The following DYNC2I1 variants were observed in gnomAD, a reference collection of about 807,000 sequenced individuals.
The protein encoded by DYNC2I1 is dynein 2 intermediate chain 1.
Under a neutral mutation model 133.4 loss-of-function variants are expected in DYNC2I1, and 89 were observed. The observed-to-expected ratio is 0.67, with a 90% CI of 0.56 to 0.80. DYNC2I1 has a LOEUF of 0.80. Among genes scored for constraint, DYNC2I1 ranks in the 30% least tolerant of loss-of-function variants. DYNC2I1 has a pLI of 0.00. For synonymous variants in DYNC2I1, 504 were observed against 484.3 expected, an observed-to-expected ratio of 1.04 and a Z score of -0.54; for missense variants, 1,291 against 1,314.5, an observed-to-expected ratio of 0.98 and a Z score of 0.28.
intron 2 of DYNC2I1, among the ~76,000 whole-genome samples, chr7:158,870,376 C>T (rs900959021): frequency 6.6e-6 from 1 of 151,712 alleles, no homozygotes; most frequent in Non-Finnish European, 1.5e-5. Context: ...TTTTTAGAGA[C>T]AGGGTCTTAC....
chr7:158,901,658 CAT>C (rs1280232127), intron 8 of DYNC2I1, 79 bp from the exon 9 acceptor site: 11 of 881,020 alleles, frequency 1.2e-5, no homozygotes, highest in Non-Finnish European at 1.8e-5. Flanking sequence ...TGTCAGAAAA[CAT>C]ATATGTTTTC....
At chr7:158,869,508 G>A (rs1842695420) in intron 1 of DYNC2I1, 1 of 478,386 alleles carries the variant, frequency 2.1e-6, no homozygotes, top group Non-Finnish European at 4.3e-6. Flanking sequence ...TGTTGTGGCT[G>A]TTTTTGGAAA....
In DYNC2I1 at chr7:158,891,271, C is replaced by A. The variant is rs1845192052; in HGVS notation, c.997C>A (p.His333Asn). The A allele has an allele frequency of 1.2e-6, 2 of 1,613,918 alleles. No homozygotes were observed. Among genetic ancestry groups the A allele is most frequent in the Non-Finnish European group, 1.7e-6 (2 of 1,179,908 alleles). The change falls in exon 8 of 25, where the codon CAC (histidine) becomes AAC (asparagine). Residue 333 changes from histidine to asparagine, a missense_variant. Transcript: ENST00000407559. ...GCTGTTCTCTCTCCATTAGCATGGC[C>A]ACGAGGAAGGCTCTTCTGTGTGGTG... ...KDKDSRRKHGHEEGSSVWWKL... is the reference protein window; with the variant it reads ...KDKDSRRKHGNEEGSSVWWKL...
At chr7:158,914,365 A>G (rs1342903966) in intron 14 of DYNC2I1, 44 bp downstream of exon 14, 3 of 1,499,260 alleles carry the variant, frequency 2.0e-6, no homozygotes, top group Non-Finnish European at 1.8e-6. Flanking sequence ...GTAAGTGCTT[A>G]AAGTTTCATT....
In DYNC2I1 at chr7:158,910,796, A is replaced by G. The variant is rs538574235; in HGVS notation, c.1461-754A>G. 2.8e-5 allele frequency among the ~76,000 whole-genome samples: 4 copies of G among 140,978 alleles called. No individual in the cohort carries two copies. The South Asian group carries it at 9.3e-4, about 33-fold the overall frequency. 92.5% of individuals were successfully genotyped at this position (140,978 alleles called of 152,430 possible). A position where few individuals can be genotyped will look rare whatever the true frequency, so the allele number is the denominator to read the frequency against. On this transcript the variant is annotated intron_variant, in intron 11 of 24. Transcript: ENST00000407559. ...TTGGCTGTGTCAGGCCTGTGTGCGC[A>G]GGGCGATTGGCTGTGTCAGCCTGTG...
intron 14 of DYNC2I1, among the ~76,000 whole-genome samples, chr7:158,914,990 T>C (rs1465142642): frequency 1.3e-5 from 2 of 152,260 alleles, no homozygotes; most frequent in South Asian, 2.1e-4. Flanking sequence ...CTTTCTTGTA[T>C]GTAAGCTCAG....
intron 24 of DYNC2I1, among the ~76,000 whole-genome samples, chr7:158,942,980 G>T (rs1370700652): frequency 6.6e-6 from 1 of 152,140 alleles, no homozygotes; most frequent in East Asian, 1.9e-4. Context: ...GGCCCTGCTT[G>T]TCTGTTCACC....
downstream of DYNC2I1, among the ~76,000 whole-genome samples, chr7:158,948,193 G>A (rs10232820): frequency 6.6e-5 from 10 of 152,290 alleles, no homozygotes; most frequent in African/African-American, 2.2e-4. Context: ...GAAAACAGAC[G>A]TGGCAAGAGG....
chr7:158,891,189 T>G (rs1040524075), intron 7 of DYNC2I1, 76 bp from the exon 8 acceptor site: 2 of 1,522,502 alleles, frequency 1.3e-6, no homozygotes, highest in South Asian at 1.1e-5. Context: ...AGTGGTGGGG[T>G]GGGGGGGAGC....
At chr7:158,949,630 A>AGCAGGAGGT (rs1213065024), downstream of DYNC2I1, among the ~76,000 whole-genome samples, 1 of 98,756 alleles carries the variant, frequency 1.0e-5, no homozygotes, top group African/African-American at 3.0e-5. Flanking sequence ...AGTTCAGCGG[A>AGCAGGAGGT]GCAGGAGGTG....
At chr7:158,841,210 TATA>T in the DYNC2I1 span, among the ~76,000 whole-genome samples, 119 of 84,122 alleles carry the variant, frequency 1.4e-3, 2 homozygotes, top group African/African-American at 3.2e-3. Context: ...TATATATATA[TATA>T]TATATATATT....
intron 4 of DYNC2I1, among the ~76,000 whole-genome samples, chr7:158,955,268 C>T (rs1232145277): frequency 1.3e-5 from 2 of 152,204 alleles, no homozygotes; most frequent in Non-Finnish European, 2.9e-5. Context: ...CTCTGGGCCA[C>T]GCCTGCCCTT....
intron 21 of DYNC2I1, among the ~76,000 whole-genome samples, chr7:158,933,490 C>T (rs151280846): frequency 2.6e-5 from 4 of 152,330 alleles, no homozygotes; most frequent in African/African-American, 7.2e-5. Flanking sequence ...CTGGAACTCA[C>T]TGCTCCTGCA....
At chr7:158,876,002 G>C (rs1394650423) in intron 3 of DYNC2I1, among the ~76,000 whole-genome samples, 3 of 152,192 alleles carry the variant, frequency 2.0e-5, no homozygotes, top group Non-Finnish European at 4.4e-5. Context: ...AAATCTCTCT[G>C]TTCCTTAGTG....
chr7:158,914,727 A>G lies in DYNC2I1; in HGVS notation c.1791+406A>G, dbSNP rs141525469. Reference sequence around the variant, plus strand: ...TAAAAATCCATACAAAGAGACATGGAACAGTCCTGTGAAGCTACAGGTACT... The same window carrying G: ...TAAAAATCCATACAAAGAGACATGGGACAGTCCTGTGAAGCTACAGGTACT... On this transcript the variant is annotated intron_variant, in intron 14 of 24. Transcript: ENST00000407559. Among the ~76,000 whole-genome samples, 3 of 152,340 alleles carry G rather than the reference A, an allele frequency of 2.0e-5. No individual in the cohort carries two copies. In the East Asian group the frequency reaches 5.8e-4, roughly 29 times the overall value.
intron 1 of DYNC2I1, among the ~76,000 whole-genome samples, chr7:158,869,153 G>T (rs1479276840): frequency 6.6e-6 from 1 of 152,182 alleles, no homozygotes; most frequent in African/African-American, 2.4e-5. Context: ...TCACGCACCT[G>T]CCCTGGTGCT....
intron 21 of DYNC2I1, among the ~76,000 whole-genome samples, chr7:158,931,772 T>C (rs565664257): frequency 6.6e-6 from 1 of 152,328 alleles, no homozygotes; most frequent in South Asian, 2.1e-4. Context: ...ATGTTGAGCT[T>C]ATTCTACGTG....
chr7:158,929,754 T>C (rs1039592540), intron 20 of DYNC2I1, among the ~76,000 whole-genome samples: 1 of 152,238 alleles, frequency 6.6e-6, no homozygotes, highest in African/African-American at 2.4e-5. Flanking sequence ...ATCCATAGAT[T>C]TCTAGTTTTT....
chr7:158,957,448 A>C (rs577400345), downstream of DYNC2I1, among the ~76,000 whole-genome samples: 6 of 152,336 alleles, frequency 3.9e-5, no homozygotes, highest in South Asian at 6.2e-4. Context: ...CATTCATTGA[A>C]AATTAACCAA....
Sources: allele counts gnomAD v4.1 joint callset (sites outside exome capture counted in the v4.1 genomes callset), GRCh38; gene constraint gnomAD v4.1.1; transcripts MANE v1.5; gene names NCBI Gene and HGNC (gene_info 2026-07-23, HGNC 2026-07-21).